BEGAIN: variants seen among roughly 807,000 people sequenced by gnomAD.
The protein encoded by BEGAIN is brain enriched guanylate kinase associated.
A neutral mutation model predicts 35.8 loss-of-function variants in BEGAIN; 19 were observed. The observed-to-expected ratio is 0.53, with a 90% CI of 0.37 to 0.78. The LOEUF (loss-of-function observed/expected upper bound fraction) is 0.78, where lower values mean the gene tolerates loss of function less well. BEGAIN is among the 30% of genes least tolerant of loss of function. The probability of loss-of-function intolerance (pLI) is 0.00; values close to 1 mark genes in which losing one functional copy is unlikely to be tolerated. For missense variants in BEGAIN, 795 were observed against 853.6 expected, an observed-to-expected ratio of 0.93 and a Z score of 0.85; for synonymous variants, 462 against 388.6, an observed-to-expected ratio of 1.19 and a Z score of -2.22.
chr14:100,538,987 C>G lies in BEGAIN; in HGVS notation c.821G>C (p.Gly274Ala). 6.2e-7 allele frequency: 1 copy of G among 1,610,408 alleles called. No homozygotes were observed. The highest frequency in any genetic ancestry group is 1.7e-4 in the Middle Eastern group (1 of 6,050). Residue 274 changes from glycine to alanine, a missense_variant, in exon 7 of 7, where the codon GGC becomes GCC. Coordinates refer to ENST00000554140, the MANE Select transcript of BEGAIN (RefSeq NM_001385089.1). Reference sequence around the variant, plus strand: ...AGTGGAGTTCTGGGCCCGCAGGAAGCCCACGTCGGTCACGGGCGCGTCCAC... The same window carrying G: ...AGTGGAGTTCTGGGCCCGCAGGAAGGCCACGTCGGTCACGGGCGCGTCCAC... ...PSVDAPVTDV[G>A]FLRAQNSTDS...
At chr14:100,576,403 G>T (rs563816592) in intron 1 of BEGAIN, among the ~76,000 whole-genome samples, 2 of 152,314 alleles carry the variant, frequency 1.3e-5, no homozygotes, top group East Asian at 3.9e-4. Flanking sequence ...TCCTGGGGTT[G>T]CGCCCAAGCT....
chr14:100,571,135 C>G (rs780389563), intron 1 of BEGAIN, among the ~76,000 whole-genome samples: 1 of 152,172 alleles, frequency 6.6e-6, no homozygotes, highest in Non-Finnish European at 1.5e-5. Context: ...CATTCACACC[C>G]GCTGCCTCTT....
Position 100,573,911 on chromosome 14 carries a change from T to A in BEGAIN, c.43-5972A>T, listed in dbSNP as rs531712943. On this transcript the variant is annotated intron_variant, in intron 1 of 6. Transcript: ENST00000554140. The surrounding 1 kb of genome is among the most constrained non-coding windows in gnomAD (Gnocchi z 4.2). The stretch of plus-strand genomic sequence containing the variant: ...TCTGCCACTGTTGGGGATCAGGAGG[T>A]GAGCAGGACCGGCCAAGGAGACTGG... Among the ~76,000 whole-genome samples, 1 of 143,598 alleles carries A rather than the reference T, an allele frequency of 7.0e-6. No individual in the cohort carries two copies. The highest frequency in any genetic ancestry group is 1.5e-5 in the Non-Finnish European group (1 of 65,992). 94.2% of individuals were successfully genotyped at this position (143,598 alleles called of 152,430 possible). A position where few individuals can be genotyped will look rare whatever the true frequency, so the allele number is the denominator to read the frequency against.
chr14:100,551,745 C>T (rs962479568), intron 2 of BEGAIN, among the ~76,000 whole-genome samples: 12 of 151,950 alleles, frequency 7.9e-5, no homozygotes, highest in Admixed American at 2.6e-4. Context: ...TGGGTCAGGC[C>T]GAGGGGGCAG....
chr14:100,557,412 T>A (rs1456318897), intron 2 of BEGAIN, among the ~76,000 whole-genome samples: 1 of 152,160 alleles, frequency 6.6e-6, no homozygotes, highest in Admixed American at 6.5e-5. Context: ...CAGGTCCAGA[T>A]CCCAGACCCT....
At chr14:100,562,283 C>A (rs142751764) in intron 2 of BEGAIN, among the ~76,000 whole-genome samples, 2 of 152,082 alleles carry the variant, frequency 1.3e-5, no homozygotes, top group Non-Finnish European at 2.9e-5. Flanking sequence ...CCTGAGTTGT[C>A]GGGGCCCAGA....
At chr14:100,583,713 G>A (rs1344707418) in intron 1 of BEGAIN, among the ~76,000 whole-genome samples, 1 of 22,778 alleles carries the variant, frequency 4.4e-5, no homozygotes, top group Non-Finnish European at 1.2e-4. Flanking sequence ...TTTTTTTGAT[G>A]GAGTCTCACT....
chr14:100,540,465 CG>C, intron 6 of BEGAIN, 30 bp downstream of exon 6: 2 of 1,531,724 alleles, frequency 1.3e-6, no homozygotes, highest in Non-Finnish European at 8.8e-7. Context: ...GGTCCCGGGG[CG>C]GGGTGGGCCT....
rs1025198842 is a variant in BEGAIN at position 100,544,248 on chromosome 14, C to T, written c.301-283G>A. On this transcript the variant is annotated intron_variant, in intron 4 of 6. Transcript: ENST00000554140. ...CTGCCTCAGGAGCTGGGAGTGGGGA[C>T]GGAGGACAGATGACTTGTGCCTGGC... Among the ~76,000 whole-genome samples, 14 of 152,108 alleles carry T rather than the reference C, an allele frequency of 9.2e-5. No homozygotes were observed. The South Asian group carries it at 1.9e-3, about 20-fold the overall frequency.
At chr14:100,577,895 C>A (rs1209199180) in intron 1 of BEGAIN, 1 of 399,210 alleles carries the variant, frequency 2.5e-6, no homozygotes. Context: ...CTGTAGCCGT[C>A]CTGCCTGGGA....
rs2034937112 is a variant in BEGAIN, at chr14:100,568,715, C to T, written c.43-776G>A. 6.6e-6 allele frequency among the ~76,000 whole-genome samples: 1 copy of T among 151,854 alleles called. No homozygotes were observed. The highest frequency in any genetic ancestry group is 1.5e-5 in the Non-Finnish European group (1 of 67,900). The stretch of plus-strand genomic sequence containing the variant: ...CCCGCCGCCGTTAACCTTGTGGGCG[C>T]GGGCGAGCGACGGGGACCGCGAGCG... On this transcript the variant is annotated intron_variant, in intron 1 of 6. Coordinates refer to ENST00000554140, the MANE Select transcript of BEGAIN (RefSeq NM_001385089.1). The surrounding 1 kb of genome is among the most constrained non-coding windows in gnomAD (Gnocchi z 7.5).
In BEGAIN at chr14:100,563,346, TAAAC is replaced by T. The variant is rs1270651560; in HGVS notation, c.71+4561_71+4564del. The stretch of plus-strand genomic sequence containing the variant: ...GCCTCAGTTCTTCAGGAGGGTTCCT[TAAAC>T]AAGACACAAACGCTTTAATCAGAAA... On this transcript the variant is annotated intron_variant, in intron 2 of 6. Transcript: ENST00000554140. The surrounding 1 kb of genome is among the most constrained non-coding windows in gnomAD (Gnocchi z 4.2). Among the ~76,000 whole-genome samples, 2 of 152,178 alleles carry T rather than the reference TAAAC, an allele frequency of 1.3e-5. No homozygotes were observed. Among genetic ancestry groups the T allele is most frequent in the Non-Finnish European group, 2.9e-5 (2 of 68,036 alleles).
intron 2 of BEGAIN, among the ~76,000 whole-genome samples, chr14:100,566,513 C>T (rs2034695032): frequency 2.0e-5 from 3 of 152,160 alleles, no homozygotes; most frequent in Admixed American, 2.0e-4. Flanking sequence ...GCAGTGTTTC[C>T]TCCCCCCCAC....
rs1327387472 is a variant in BEGAIN, at chr14:100,568,673, C to T, written c.43-734G>A. 6.6e-6 allele frequency among the ~76,000 whole-genome samples: 1 copy of T among 151,888 alleles called. No individual in the cohort carries two copies. The highest frequency in any genetic ancestry group is 1.5e-5 in the Non-Finnish European group (1 of 67,912). On this transcript the variant is annotated intron_variant, in intron 1 of 6. Transcript: ENST00000554140. The surrounding 1 kb of genome is among the most constrained non-coding windows in gnomAD (Gnocchi z 7.5). ...CTCAGCCGGGCAGCCCCTCCGCGCG[C>T]CGGGCAGGGGGACCCACCCGCCGCC... is the stretch of plus-strand genomic sequence containing the variant.
Position 100,537,654 on chromosome 14 carries a change from TAAGA to T in BEGAIN, c.*311_*314del, listed in dbSNP as rs2140414714. ...CCAGGGAGCTGGAGGCCAAGTGCGT[TAAGA>T]AAGACCCTTTTTCTCTATAAAAATA... On this transcript the variant is annotated 3_prime_UTR_variant, in exon 7 of 7. Transcript: ENST00000554140. 3.0e-6 allele frequency: 1 copy of T among 336,768 alleles called. No individual in the cohort carries two copies. Among genetic ancestry groups the T allele is most frequent in the Non-Finnish European group, 5.4e-6 (1 of 185,134 alleles). 20.9% of individuals were successfully genotyped at this position (336,768 alleles called of 1,614,324 possible).
chr14:100,540,884 G>GC (rs903630112), intron 5 of BEGAIN, among the ~76,000 whole-genome samples: 3 of 152,222 alleles, frequency 2.0e-5, no homozygotes, highest in African/African-American at 7.2e-5. Flanking sequence ...AGAAGAAGGA[G>GC]CCCCAATGGC....
At chr14:100,570,616 C>T (rs763382735) in intron 1 of BEGAIN, among the ~76,000 whole-genome samples, 4 of 152,190 alleles carry the variant, frequency 2.6e-5, no homozygotes, top group African/African-American at 9.7e-5. Flanking sequence ...GGCGGGGGGA[C>T]TAAAAGATGG....
Position 100,568,542 on chromosome 14 carries a change from G to A in BEGAIN, c.43-603C>T. 7.8e-7 allele frequency: 1 copy of A among 1,283,972 alleles called. No individual in the cohort carries two copies. Among genetic ancestry groups the A allele is most frequent in the Non-Finnish European group, 1.0e-6 (1 of 985,926 alleles). 79.5% of individuals were successfully genotyped at this position (1,283,972 alleles called of 1,614,324 possible). ...TTTGGGCCTGGCTTGCCCCTCCCGG[G>A]CCCCAGGGATTAACCCGTGAGCGCC... On this transcript the variant is annotated intron_variant, in intron 1 of 6. Coordinates refer to ENST00000554140, the MANE Select transcript of BEGAIN (RefSeq NM_001385089.1). This position sits in a 1 kb window ranked among gnomAD's most constrained non-coding sequence, Gnocchi z 7.5.
chr14:100,586,738 C>T lies in BEGAIN; in HGVS notation c.42+511G>A, dbSNP rs979959258. Among the ~76,000 whole-genome samples, 13 of 152,272 alleles carry T rather than the reference C, an allele frequency of 8.5e-5. No individual in the cohort carries two copies. Among genetic ancestry groups the T allele is most frequent in the African/African-American group, 3.1e-4 (13 of 41,566 alleles). ...GGGATGGTGGTGTCCGAGGTTCGTG[C>T]GCGCCCACGCGCTGCAAACGCTCAA... is the stretch of plus-strand genomic sequence containing the variant. On this transcript the variant is annotated intron_variant, in intron 1 of 6. Transcript: ENST00000554140. The surrounding 1 kb of genome is among the most constrained non-coding windows in gnomAD (Gnocchi z 4.9).
Sources: gnomAD v4.1 joint callset for allele counts (sites outside exome capture counted in the v4.1 genomes callset) on GRCh38, gnomAD v4.1.1 for gene constraint, Gnocchi (gnomAD v3.1) non-coding constraint, MANE v1.5 for transcripts, NCBI Gene and HGNC (gene_info 2026-07-23, HGNC 2026-07-21) for gene names.